Variants in ADGRB3 observed in about 807,000 individuals in gnomAD.
ADGRB3 encodes brain-specific angiogenesis inhibitor 3.
Under a neutral mutation model 193.4 loss-of-function variants are expected in ADGRB3, and 37 were observed. That is an observed-to-expected ratio of 0.19 (90% CI 0.15 to 0.25). ADGRB3 has a LOEUF of 0.25. Ranked by LOEUF, ADGRB3 falls within the 10% of genes least tolerant of loss-of-function variation. The pLI is 1.00. For missense variants in ADGRB3, 1,637 were observed against 1,852.9 expected (o/e 0.88, Z 2.14); for synonymous variants, 690 against 644.2 (o/e 1.07, Z -1.08).
chr6:69,218,174 C>T lies in ADGRB3; in HGVS notation c.2481-15116C>T, dbSNP rs1163378102. ...CTTATATTAATATGAGACCTTTCCT[C>T]CAAAGTGGTCTATAAGTATGTACAA... On this transcript the variant is annotated intron_variant, in intron 17 of 31. Transcript: ENST00000370598. Among the ~76,000 whole-genome samples the T allele has an allele frequency of 2.6e-5, 4 of 151,986 alleles. No individual in the cohort carries two copies. In the East Asian group the frequency reaches 7.7e-4, roughly 29 times the overall value.
intron 3 of ADGRB3, among the ~76,000 whole-genome samples, chr6:68,651,451 T>A (rs1357383872): frequency 6.6e-6 from 1 of 152,130 alleles, no homozygotes; most frequent in Non-Finnish European, 1.5e-5. Flanking sequence ...TGATCATACT[T>A]TGGTGTTCAA....
At chr6:68,861,981 A>G (rs936025782) in intron 3 of ADGRB3, among the ~76,000 whole-genome samples, 12 of 152,174 alleles carry the variant, frequency 7.9e-5, no homozygotes, top group African/African-American at 2.9e-4. Flanking sequence ...CATTATCATT[A>G]CTATCTATCC....
chr6:69,213,150 G>A (rs1765701665), intron 17 of ADGRB3, among the ~76,000 whole-genome samples: 1 of 152,120 alleles, frequency 6.6e-6, no homozygotes, highest in African/African-American at 2.4e-5. Context: ...ACAAATTCAA[G>A]TACTTGTTCA....
rs7767177 is a variant in ADGRB3 at position 69,339,638 on chromosome 6, G to C, written c.3459+134G>C. 2,413 of 1,115,820 alleles carry C rather than the reference G, an allele frequency of 2.2e-3. 32 individuals are homozygous for C. The African/African-American group carries it at 0.034, about 16-fold the overall frequency. The allele number at this position is 1,115,820 out of a possible 1,614,324, so 69.1% of individuals were successfully genotyped here. A position where few individuals can be genotyped will look rare whatever the true frequency, so the allele number is the denominator to read the frequency against. On this transcript the variant is annotated intron_variant, in intron 26 of 31. Transcript: ENST00000370598. Reference sequence around the variant, plus strand: ...CATTGACAATCACTTGGGAATCAAAGCTGAAGGAATGCTTTAAGACACAGC... The same window carrying C: ...CATTGACAATCACTTGGGAATCAAACCTGAAGGAATGCTTTAAGACACAGC...
At chr6:68,875,296 C>T (rs72902974) in intron 3 of ADGRB3, among the ~76,000 whole-genome samples, 15,855 of 130,864 alleles carry the variant, frequency 0.12, 1,545 homozygotes, top group Non-Finnish European at 0.18. Context: ...TTTCCTTTCC[C>T]GAAACAAAAT....
chr6:69,174,279 A>G (rs1315173229), intron 17 of ADGRB3, among the ~76,000 whole-genome samples: 4 of 152,010 alleles, frequency 2.6e-5, no homozygotes, highest in African/African-American at 4.8e-5. Flanking sequence ...AGTAGTCCCC[A>G]TTGTCTATTA....
intron 11 of ADGRB3, among the ~76,000 whole-genome samples, chr6:69,005,855 G>T (rs572867559): frequency 1.3e-5 from 2 of 152,178 alleles, no homozygotes; most frequent in African/African-American, 4.8e-5. Context: ...TTTGACTCTA[G>T]ATCATATTCT....
At chr6:68,676,281 C>T (rs1769083753) in intron 3 of ADGRB3, among the ~76,000 whole-genome samples, 1 of 151,256 alleles carries the variant, frequency 6.6e-6, no homozygotes, top group Non-Finnish European at 1.5e-5. Context: ...AATCCCGCTA[C>T]TCAGGAGGCT....
chr6:69,294,491 G>C (rs908993718), intron 20 of ADGRB3, among the ~76,000 whole-genome samples: 1 of 152,038 alleles, frequency 6.6e-6, no homozygotes, highest in African/African-American at 2.4e-5. Flanking sequence ...ACTAAATGCT[G>C]TCTCTTACCT....
chr6:68,682,708 A>C (rs1764916362), intron 3 of ADGRB3, among the ~76,000 whole-genome samples: 1 of 152,216 alleles, frequency 6.6e-6, no homozygotes, highest in South Asian at 2.1e-4. Context: ...TTTGTATAAC[A>C]AACACCACAA....
At chr6:69,232,544 C>T in intron 17 of ADGRB3, 1 of 1,535,648 alleles carries the variant, frequency 6.5e-7, no homozygotes, top group Non-Finnish European at 8.7e-7. Flanking sequence ...GCTTCTGCCC[C>T]AGGGCAAAGA....
intron 17 of ADGRB3, among the ~76,000 whole-genome samples, chr6:69,231,706 G>T (rs189784026): frequency 1.1e-3 from 171 of 152,234 alleles, no homozygotes; most frequent in Non-Finnish European, 1.8e-3. Context: ...TTATGAGAAA[G>T]AAAAGAGACC....
chr6:69,142,112 G>T (rs908180256), intron 17 of ADGRB3, among the ~76,000 whole-genome samples: 3 of 152,086 alleles, frequency 2.0e-5, no homozygotes, highest in Admixed American at 6.6e-5. Flanking sequence ...CTTAACTTTG[G>T]CACTTTTTAA....
At chr6:68,667,620 C>T (rs1348481218) in intron 3 of ADGRB3, among the ~76,000 whole-genome samples, 3 of 151,832 alleles carry the variant, frequency 2.0e-5, no homozygotes, top group Non-Finnish European at 4.4e-5. Context: ...TCCAGGAAAA[C>T]AGAAATTTCT....
chr6:68,919,207 G>A (rs1766960529), intron 3 of ADGRB3, among the ~76,000 whole-genome samples: 1 of 152,034 alleles, frequency 6.6e-6, no homozygotes, highest in South Asian at 2.1e-4. Flanking sequence ...ATAACCAAAT[G>A]GGTTCAGCAC....
At chr6:68,777,663 G>A (rs1168414739) in intron 3 of ADGRB3, among the ~76,000 whole-genome samples, 6 of 136,174 alleles carry the variant, frequency 4.4e-5, no homozygotes, top group African/African-American at 1.8e-4. Flanking sequence ...GATCTCTCTG[G>A]GATCTAAAAA....
At chr6:69,016,166 G>A (rs1393103445) in intron 12 of ADGRB3, among the ~76,000 whole-genome samples, 1 of 151,830 alleles carries the variant, frequency 6.6e-6, no homozygotes. Flanking sequence ...GTCCTGCAAA[G>A]CCTAAAATGT....
Position 68,638,771 on chromosome 6 carries a change from T to G in ADGRB3, c.96T>G (p.Thr32=). 3 of 1,614,166 alleles carry G rather than the reference T, an allele frequency of 1.9e-6. No homozygotes were observed. Among genetic ancestry groups the G allele is most frequent in the Middle Eastern group, 1.6e-4 (1 of 6,062 alleles). Reference sequence around the variant, plus strand: ...CTGCCCAAGACTTCTGGTGTTCAACTTTGGTGAAGGGAGTCATTTATGGAT... The same window carrying G: ...CTGCCCAAGACTTCTGGTGTTCAACGTTGGTGAAGGGAGTCATTTATGGAT... ...FNAAQDFWCS[T]LVKGVIYGSY... is the part of the protein sequence containing the mutation. Residue 32 remains threonine (T), a synonymous_variant, in exon 3 of 32, where the codon ACT becomes ACG. Transcript: ENST00000370598.
chr6:69,332,417 C>T, intron 23 of ADGRB3: 1 of 985,386 alleles, frequency 1.0e-6, no homozygotes, highest in Non-Finnish European at 1.2e-6. Context: ...AAATGCTCCC[C>T]TTCCACAGAA....
Sources: gnomAD v4.1 joint callset for allele counts (sites outside exome capture counted in the v4.1 genomes callset) on GRCh38, gnomAD v4.1.1 for gene constraint, MANE v1.5 for transcripts, NCBI Gene and HGNC (gene_info 2026-07-23, HGNC 2026-07-21) for gene names.